The following RMDN1 variants were observed in gnomAD, a reference collection of about 807,000 sequenced individuals.
RMDN1 encodes the protein regulator of microtubule dynamics 1.
RMDN1 carries 48 observed loss-of-function variants against 48.9 expected under a neutral mutation model. That is an observed-to-expected ratio of 0.98 (90% CI 0.78 to 1.25). The LOEUF (loss-of-function observed/expected upper bound fraction) is 1.25. Among genes scored for constraint, RMDN1 ranks in the 50% most tolerant of loss-of-function variants. RMDN1 has a pLI of 0.00. For missense variants in RMDN1, 418 were observed against 373.4 expected (o/e 1.12, Z -0.98); for synonymous variants, 148 against 132.6 (o/e 1.12, Z -0.80).
chr8:86,484,689 G>C, intron 5 of RMDN1, 183 bp downstream of exon 5: 2 of 414,578 alleles, frequency 4.8e-6, no homozygotes, highest in Non-Finnish European at 8.5e-6. Context: ...TTGCACTCTA[G>C]CCCGGATGAC....
chr8:86,482,438 A>C, intron 5 of RMDN1: 1 of 472,116 alleles, frequency 2.1e-6, no homozygotes. Flanking sequence ...AAATCTTTGC[A>C]GTCTTAAGTT....
chr8:86,479,074 A>C, intron 6 of RMDN1, 64 bp from the exon 7 acceptor site: 1 of 1,198,834 alleles, frequency 8.3e-7, no homozygotes, highest in South Asian at 1.2e-5. Context: ...AAAGTTAACT[A>C]AGCATCTTAA....
At chr8:86,488,315 C>A (rs1815840634) in intron 3 of RMDN1, among the ~76,000 whole-genome samples, 1 of 151,566 alleles carries the variant, frequency 6.6e-6, no homozygotes, top group Non-Finnish European at 1.5e-5. Flanking sequence ...ATGGAAAAAT[C>A]AAAAAAAATT....
chr8:86,470,410 C>T, downstream of RMDN1: 1 of 1,278,812 alleles, frequency 7.8e-7, no homozygotes, highest in Admixed American at 2.4e-5. Context: ...GAATCAGGCT[C>T]CTGGGAAGTC....
chr8:86,480,028 A>G (rs11774253), intron 6 of RMDN1, among the ~76,000 whole-genome samples: 22,596 of 152,084 alleles, frequency 0.15, 1,835 homozygotes, highest in Non-Finnish European at 0.19. Context: ...ATGGTAAATA[A>G]GAATAGTCTT....
Position 86,488,534 on chromosome 8 carries a change from C to T in RMDN1, c.335+18G>A. ...TTTTGAGGAAACCACAAGCCTAGGCCTATCCTACATTGCTTACCTTTCCTT... is the reference window on the plus strand; with the variant it reads ...TTTTGAGGAAACCACAAGCCTAGGCTTATCCTACATTGCTTACCTTTCCTT... On this transcript the variant is annotated intron_variant, in intron 3 of 9. Transcript: ENST00000406452. The T allele has an allele frequency of 6.4e-7, 1 of 1,550,990 alleles. No homozygotes were observed. The highest frequency in any genetic ancestry group is 8.8e-7 in the Non-Finnish European group (1 of 1,135,884).
rs1015783162 is a variant in RMDN1, at chr8:86,473,392, T to A, written c.*916A>T. Reference sequence around the variant, plus strand: ...TTAGTATTCCATTTCACTCTTAAGTTTTGTGTTCCTTCCATTCCATTAGGG... The same window carrying A: ...TTAGTATTCCATTTCACTCTTAAGTATTGTGTTCCTTCCATTCCATTAGGG... On this transcript the variant is annotated 3_prime_UTR_variant, in exon 10 of 10. Coordinates refer to ENST00000406452, the MANE Select transcript of RMDN1 (RefSeq NM_016033.3). 2.0e-6 allele frequency: 2 copies of A among 985,304 alleles called. No individual in the cohort carries two copies. Among genetic ancestry groups the A allele is most frequent in the African/African-American group, 3.5e-5 (2 of 57,242 alleles). The allele number at this position is 985,304 out of a possible 1,614,324, so 61.0% of individuals were successfully genotyped here. A position where few individuals can be genotyped will look rare whatever the true frequency, so the allele number is the denominator to read the frequency against.
chr8:86,511,200 C>T (rs1193566964), upstream of RMDN1, among the ~76,000 whole-genome samples: 1 of 151,870 alleles, frequency 6.6e-6, no homozygotes, highest in Admixed American at 6.6e-5. Flanking sequence ...GAAGTTCGGG[C>T]ACGGTGGCTC....
upstream of RMDN1, among the ~76,000 whole-genome samples, chr8:86,510,778 T>C (rs918039275): frequency 1.3e-5 from 2 of 152,128 alleles, no homozygotes; most frequent in Non-Finnish European, 2.9e-5. Flanking sequence ...AAGTAAAGCA[T>C]AGAGAGTTGG....
downstream of RMDN1, among the ~76,000 whole-genome samples, chr8:86,470,746 G>T (rs1812478218): frequency 6.6e-6 from 1 of 152,054 alleles, no homozygotes; most frequent in African/African-American, 2.4e-5. Context: ...AGGTCTCAAG[G>T]GAATTATGTT....
intron 2 of RMDN1, among the ~76,000 whole-genome samples, chr8:86,497,988 CG>C (rs1307628924): frequency 6.6e-6 from 1 of 150,856 alleles, no homozygotes; most frequent in Admixed American, 6.6e-5. Flanking sequence ...CCCAGCTACT[CG>C]GGAGGCTGAG....
intron 8 of RMDN1, among the ~76,000 whole-genome samples, chr8:86,475,555 C>G (rs6996318): frequency 1 from 151,526 of 152,086 alleles, 75,493 homozygotes; most frequent in Middle Eastern, 1. Flanking sequence ...AAACTTTGAA[C>G]TGCTACAAGA....
downstream of RMDN1, chr8:86,470,477 A>G: frequency 1.7e-6 from 2 of 1,188,640 alleles, no homozygotes; most frequent in Non-Finnish European, 2.1e-6. Context: ...CATGTCTTGC[A>G]GAAGAAACCT....
chr8:86,488,094 G>C (rs1815797852), intron 3 of RMDN1, among the ~76,000 whole-genome samples: 1 of 152,066 alleles, frequency 6.6e-6, no homozygotes, highest in Non-Finnish European at 1.5e-5. Context: ...AATAGAAAAA[G>C]GGGGTATTTT....
upstream of RMDN1, among the ~76,000 whole-genome samples, chr8:86,512,683 G>A (rs1820107856): frequency 6.6e-6 from 1 of 152,226 alleles, no homozygotes; most frequent in African/African-American, 2.4e-5. Flanking sequence ...TAGGATAGAA[G>A]TTCCTGTCTG....
rs772413519 is a variant in RMDN1 at position 86,488,580 on chromosome 8, A to G, written c.307T>C (p.Tyr103His). The change falls in exon 3 of 10, where the codon TAT becomes CAT. Residue 103 changes from tyrosine (Y) to histidine (H), a missense_variant. Physicochemically the swap from Tyr to His is moderately conservative, Grantham distance 83. Coordinates refer to ENST00000406452, the MANE Select transcript of RMDN1 (RefSeq NM_016033.3). The part of the protein sequence containing the change: ...LYESGETEKL[Y>H]QLLTQYKESE... Reference sequence around the variant, plus strand: ...TCCTTGTATTGGGTTAGCAACTGATAAAGTTTTTCTGTTTCTCCGCTTTCA... The same window carrying G: ...TCCTTGTATTGGGTTAGCAACTGATGAAGTTTTTCTGTTTCTCCGCTTTCA... 2 of 1,610,874 alleles carry G rather than the reference A, an allele frequency of 1.2e-6. No individual in the cohort carries two copies. Among genetic ancestry groups the G allele is most frequent in the Admixed American group, 1.7e-5 (1 of 59,512 alleles).
upstream of RMDN1, among the ~76,000 whole-genome samples, chr8:86,511,306 C>G (rs960010366): frequency 1.3e-5 from 2 of 151,498 alleles, no homozygotes; most frequent in African/African-American, 4.9e-5. Context: ...AACCCCGTCT[C>G]TACTAAAAAT....
chr8:86,491,203 C>T (rs960279092), intron 2 of RMDN1, among the ~76,000 whole-genome samples: 4 of 151,792 alleles, frequency 2.6e-5, no homozygotes, highest in Admixed American at 6.6e-5. Context: ...GGCACTATGT[C>T]GGCTCACTGC....
Position 86,484,911 on chromosome 8 carries a change from AGCCTTGAT to A in RMDN1, c.538_545del (p.Ile180Ter). The A allele has an allele frequency of 6.2e-7, 1 of 1,608,574 alleles. No individual in the cohort carries two copies. The highest frequency in any genetic ancestry group is 8.5e-7 in the Non-Finnish European group (1 of 1,176,658). ...TGATGATATATGCATTTGCAATTTT[AGCCTTGAT>A]GCCTTCATAATCTCCAACATCACTA... is the stretch of plus-strand genomic sequence containing the variant. On this transcript the variant is annotated frameshift_variant, in exon 5 of 10. Transcript: ENST00000406452. LOFTEE classifies it high-confidence loss of function.
Sources: allele counts gnomAD v4.1 joint callset (sites outside exome capture counted in the v4.1 genomes callset), GRCh38; gene constraint gnomAD v4.1.1; transcripts MANE v1.5; gene names NCBI Gene and HGNC (gene_info 2026-07-23, HGNC 2026-07-21).